Variants in GLYATL1B observed in about 807,000 individuals in gnomAD.
The protein encoded by GLYATL1B is glycine-N-acyltransferase like 1B.
A neutral mutation model predicts 5.5 loss-of-function variants in GLYATL1B; 6 were observed. That is an observed-to-expected ratio of 1.09 (90% confidence interval 0.60 to 2.15). The LOEUF is 2.15. Ranked by LOEUF, GLYATL1B falls within the 30% of genes most tolerant of loss-of-function variation. The pLI is 0.00. For missense variants in GLYATL1B, 135 were observed against 94.1 expected (o/e 1.43, Z -1.80); for synonymous variants, 67 against 34.9 (o/e 1.92, Z -3.24).
rs908149535 is a variant in GLYATL1B, at chr11:59,087,119, T to C, written c.134T>C (p.Leu45Ser). The C allele has an allele frequency of 1.6e-5, 11 of 679,190 alleles. No homozygotes were observed. Among genetic ancestry groups the C allele is most frequent in the Admixed American group, 1.3e-4 (7 of 52,940 alleles). The allele number at this position is 679,190 out of a possible 1,614,324, so 42.1% of individuals were successfully genotyped here. The change falls in exon 2 of 5, where the codon TTG becomes TCG. Residue 45 changes from leucine (L) to serine (S), a missense_variant. Transcript: ENST00000527482. ...NHGNPFNMEV[L>S]VDSWPEYQMV... ...GGGAACCCCTTCAACATGGAAGTGT[T>C]GGTGGACTCCTGGCCCGAGTATCAG...
chr11:59,093,423 A>G lies in GLYATL1B; in HGVS notation c.187-106A>G, dbSNP rs1326327167. 10 of 413,826 alleles carry G rather than the reference A, an allele frequency of 2.4e-5. No homozygotes were observed. In the East Asian group the frequency reaches 3.2e-4, roughly 13 times the overall value. 25.6% of individuals were successfully genotyped at this position (413,826 alleles called of 1,614,324 possible). ...TGCCCAACTGCAGCCATCGTGGGCTAGTGCTAAAACTTTCTTTTGAATTTT... is the reference window on the plus strand; with the variant it reads ...TGCCCAACTGCAGCCATCGTGGGCTGGTGCTAAAACTTTCTTTTGAATTTT... On this transcript the variant is annotated intron_variant, in intron 2 of 4. Transcript: ENST00000527482.
chr11:59,094,643 T>C lies in GLYATL1B; in HGVS notation c.766T>C (p.Cys256Arg). Residue 256 changes from cysteine (C) to arginine (R), a missense_variant, in exon 5 of 5, where the codon TGT becomes CGT. By Grantham distance (180) the Cys-to-Arg change is radical (BLOSUM62 -3). Transcript: ENST00000527482. Reference protein sequence around the residue: ...RLIMRCMKYLCQKNIPFYGSV... With the variant: ...RLIMRCMKYLRQKNIPFYGSV... ...GATCATGCGATGCATGAAGTATCTG[T>C]GTCAGAAGAATATTCCATTTTACGG... 1 of 432,398 alleles carries C rather than the reference T, an allele frequency of 2.3e-6. No individual in the cohort carries two copies. The allele number at this position is 432,398 out of a possible 1,614,324, so 26.8% of individuals were successfully genotyped here.
At chr11:59,086,832 C>G (rs1163659429) in intron 1 of GLYATL1B, among the ~76,000 whole-genome samples, 1 of 152,154 alleles carries the variant, frequency 6.6e-6, no homozygotes, top group African/African-American at 2.4e-5. Flanking sequence ...AACAAGTGCC[C>G]AGCTACTGCA....
intron 1 of GLYATL1B, 143 bp downstream of exon 1, chr11:59,086,527 T>A: frequency 5.1e-6 from 2 of 394,626 alleles, no homozygotes; most frequent in Non-Finnish European, 8.9e-6. Flanking sequence ...AAAGGAGGCA[T>A]GTTAAGAGCT....
At chr11:59,089,906 A>T (rs2848440) in intron 2 of GLYATL1B, among the ~76,000 whole-genome samples, 1 of 152,096 alleles carries the variant, frequency 6.6e-6, no homozygotes, top group Non-Finnish European at 1.5e-5. Flanking sequence ...TTTTTCCTAA[A>T]CCAAGATCGT....
chr11:59,092,608 G>A (rs1859339406), intron 2 of GLYATL1B, among the ~76,000 whole-genome samples: 1 of 152,080 alleles, frequency 6.6e-6, no homozygotes, highest in Non-Finnish European at 1.5e-5. Flanking sequence ...ATTAATACAT[G>A]CACTGCTAAA....
At chr11:59,087,033 C>T (rs1859206136) in intron 1 of GLYATL1B, 31 bp from the exon 2 acceptor site, 1 of 593,398 alleles carries the variant, frequency 1.7e-6, no homozygotes, top group Non-Finnish European at 3.0e-6. Flanking sequence ...GGGATCTCAG[C>T]CTCTCCTATT....
chr11:59,092,727 G>A (rs1489485911), intron 2 of GLYATL1B, among the ~76,000 whole-genome samples: 1 of 152,172 alleles, frequency 6.6e-6, no homozygotes, highest in Non-Finnish European at 1.5e-5. Context: ...AAACCCATGA[G>A]TCTAACACCA....
intron 2 of GLYATL1B, among the ~76,000 whole-genome samples, chr11:59,090,241 T>C (rs956759069): frequency 6.6e-6 from 1 of 152,034 alleles, no homozygotes; most frequent in Non-Finnish European, 1.5e-5. Flanking sequence ...ACTAATCTTT[T>C]TCTTGCTTTC....
At chr11:59,088,214 C>T (rs1476658207) in intron 2 of GLYATL1B, among the ~76,000 whole-genome samples, 5 of 152,166 alleles carry the variant, frequency 3.3e-5, no homozygotes, top group African/African-American at 1.2e-4. Flanking sequence ...ATGTCAAACA[C>T]TTAGTATATA....
chr11:59,093,699 T>C (rs1165228475), intron 3 of GLYATL1B, 44 bp downstream of exon 3: 2 of 461,172 alleles, frequency 4.3e-6, no homozygotes, highest in East Asian at 3.5e-5. Context: ...GCTTCTCAAA[T>C]TGTGTCTTCA....
At position 59,094,769 on chromosome 11, in the gene GLYATL1B, A is replaced by C. The variant is rs1272656685; in HGVS notation, c.892A>C (p.Asn298His). The change falls in exon 5 of 5, where the codon AAT becomes CAT. Residue 298 changes from asparagine to histidine, a missense_variant. Physicochemically the swap from Asn to His is moderately conservative, Grantham distance 68 (BLOSUM62 1). Transcript: ENST00000527482. ...QWHQWNCYPQ[N>H]LVPL ...GCACCAATGGAACTGCTACCCACAGAATCTTGTTCCATTGTAGACAATGAA... is the reference window on the plus strand; with the variant it reads ...GCACCAATGGAACTGCTACCCACAGCATCTTGTTCCATTGTAGACAATGAA... 2 of 467,484 alleles carry C rather than the reference A, an allele frequency of 4.3e-6. No homozygotes were observed. The highest frequency in any genetic ancestry group is 6.4e-5 in the Admixed American group (2 of 31,030). 29.0% of individuals were successfully genotyped at this position (467,484 alleles called of 1,614,324 possible).
chr11:59,091,376 C>A (rs1859306251), intron 2 of GLYATL1B, among the ~76,000 whole-genome samples: 1 of 152,142 alleles, frequency 6.6e-6, no homozygotes, highest in Non-Finnish European at 1.5e-5. Context: ...AAAGGGGGTA[C>A]ATGTGCATAT....
chr11:59,091,465 C>A (rs898308841), intron 2 of GLYATL1B, among the ~76,000 whole-genome samples: 3 of 152,050 alleles, frequency 2.0e-5, no homozygotes, highest in Non-Finnish European at 4.4e-5. Context: ...AGCATAGTAC[C>A]CGATAGGTAG....
chr11:59,092,605 C>A (rs923788180), intron 2 of GLYATL1B, among the ~76,000 whole-genome samples: 1 of 152,190 alleles, frequency 6.6e-6, no homozygotes, highest in Non-Finnish European at 1.5e-5. Flanking sequence ...AATATTAATA[C>A]ATGCACTGCT....
At chr11:59,089,071 GGT>G (rs1859253263) in intron 2 of GLYATL1B, among the ~76,000 whole-genome samples, 1 of 151,888 alleles carries the variant, frequency 6.6e-6, no homozygotes, top group Non-Finnish European at 1.5e-5. Flanking sequence ...TGGGGTAATC[GGT>G]GTCCTTGGCC....
intron 2 of GLYATL1B, among the ~76,000 whole-genome samples, chr11:59,088,522 T>G (rs535112419): frequency 1.3e-5 from 2 of 152,298 alleles, no homozygotes; most frequent in East Asian, 3.9e-4. Context: ...GATCGATGAT[T>G]AATGGTTAGT....
At chr11:59,087,713 G>C (rs1859219220) in intron 2 of GLYATL1B, among the ~76,000 whole-genome samples, 1 of 152,154 alleles carries the variant, frequency 6.6e-6, no homozygotes, top group South Asian at 2.1e-4. Flanking sequence ...AGGGCATGGT[G>C]ATGCGTGCCT....
chr11:59,087,569 G>A (rs1307820831), intron 2 of GLYATL1B, among the ~76,000 whole-genome samples: 1 of 152,152 alleles, frequency 6.6e-6, no homozygotes, highest in Non-Finnish European at 1.5e-5. Flanking sequence ...TCATGGCCAG[G>A]CATGATGTCT....
Sources: allele counts gnomAD v4.1 joint callset (sites outside exome capture counted in the v4.1 genomes callset), GRCh38; gene constraint gnomAD v4.1.1; transcripts MANE v1.5; gene names NCBI Gene and HGNC (gene_info 2026-07-23, HGNC 2026-07-21).